USP12: variants seen among roughly 807,000 people sequenced by gnomAD.
The protein encoded by USP12 is ubiquitin specific peptidase 12.
A neutral mutation model predicts 45.5 loss-of-function variants in USP12; 19 were observed. The observed-to-expected ratio is 0.42, with a 90% CI of 0.29 to 0.61. The LOEUF is 0.61. Among genes scored for constraint, USP12 ranks in the 20% least tolerant of loss-of-function variants. USP12 has a pLI of 0.22. For missense variants in USP12, 242 were observed against 447.7 expected, an observed-to-expected ratio of 0.54 and a Z score of 4.15; for synonymous variants, 149 against 148.8, an observed-to-expected ratio of 1.00 and a Z score of -0.01.
intron 6 of USP12, among the ~76,000 whole-genome samples, chr13:27,088,646 T>C: frequency 6.6e-6 from 1 of 152,220 alleles, no homozygotes; most frequent in African/African-American, 2.4e-5. Context: ...TAGCCCCAAA[T>C]AAAAACTCAG....
In USP12 at chr13:27,129,991, T is replaced by A. The variant is rs1337860558; in HGVS notation, c.49-13395A>T. On this transcript the variant is annotated intron_variant, in intron 1 of 8. Transcript: ENST00000282344. The surrounding 1 kb of genome is among the most constrained non-coding windows in gnomAD (Gnocchi z 4.0). ...TGAAAAATACATCAGAATCAACTAT[T>A]CTGAACCTTAGAACCTAATCAGACA... is the stretch of plus-strand genomic sequence containing the variant. 2.0e-5 allele frequency among the ~76,000 whole-genome samples: 3 copies of A among 152,074 alleles called. No individual in the cohort carries two copies. Among genetic ancestry groups the A allele is most frequent in the Non-Finnish European group, 2.9e-5 (2 of 68,016 alleles).
At chr13:27,156,308 C>T (rs1441463201) in intron 1 of USP12, among the ~76,000 whole-genome samples, 1 of 151,220 alleles carries the variant, frequency 6.6e-6, no homozygotes, top group Admixed American at 6.6e-5. Context: ...ACATGTTAAA[C>T]ATCACAAAGG....
At chr13:27,138,397 A>G (rs1175970722) in intron 1 of USP12, among the ~76,000 whole-genome samples, 1 of 152,234 alleles carries the variant, frequency 6.6e-6, no homozygotes, top group East Asian at 1.9e-4. Flanking sequence ...TGGTAAATTT[A>G]TGAACAGAAG....
chr13:27,149,917 A>G (rs1297199507), intron 1 of USP12, among the ~76,000 whole-genome samples: 1 of 152,262 alleles, frequency 6.6e-6, no homozygotes, highest in Non-Finnish European at 1.5e-5. Flanking sequence ...CTGATCTGAC[A>G]AGAGGTGAAG....
chr13:27,169,908 C>G (rs1451537421), intron 1 of USP12, among the ~76,000 whole-genome samples: 1 of 152,166 alleles, frequency 6.6e-6, no homozygotes, highest in Non-Finnish European at 1.5e-5. Flanking sequence ...AGTGAATGAA[C>G]AGTCGGTAAA....
At chr13:27,106,628 G>C (rs1387257211) in intron 2 of USP12, among the ~76,000 whole-genome samples, 2 of 152,114 alleles carry the variant, frequency 1.3e-5, no homozygotes, top group Non-Finnish European at 2.9e-5. Flanking sequence ...AGTATATACA[G>C]TATTAGGTTA....
intron 1 of USP12, among the ~76,000 whole-genome samples, chr13:27,132,359 A>G (rs1320425012): frequency 6.6e-6 from 1 of 152,222 alleles, no homozygotes; most frequent in African/African-American, 2.4e-5. Flanking sequence ...TTAGTTACAC[A>G]TGTTAAAAAA....
intron 1 of USP12, among the ~76,000 whole-genome samples, chr13:27,127,538 A>C (rs1310656262): frequency 6.6e-6 from 1 of 152,222 alleles, no homozygotes; most frequent in Non-Finnish European, 1.5e-5. Context: ...CATTGCAGGA[A>C]GAAAGAGAAA....
chr13:27,091,764 A>T (rs1165890041), intron 4 of USP12, among the ~76,000 whole-genome samples: 4 of 152,202 alleles, frequency 2.6e-5, no homozygotes, highest in African/African-American at 9.7e-5. Context: ...ATGGAAAAAG[A>T]GAAGCCAAGG....
At chr13:27,113,036 C>A (rs1000820957) in intron 2 of USP12, among the ~76,000 whole-genome samples, 2 of 152,116 alleles carry the variant, frequency 1.3e-5, no homozygotes, top group Non-Finnish European at 2.9e-5. Flanking sequence ...GGATTCAACA[C>A]CAGCATGGGC....
At chr13:27,107,131 C>T (rs1285175837) in intron 2 of USP12, among the ~76,000 whole-genome samples, 1 of 152,132 alleles carries the variant, frequency 6.6e-6, no homozygotes, top group Admixed American at 6.6e-5. Context: ...TCGAGACCAA[C>T]TTGATCAACA....
intron 1 of USP12, among the ~76,000 whole-genome samples, chr13:27,131,551 C>G (rs1040978913): frequency 6.6e-6 from 1 of 152,174 alleles, no homozygotes; most frequent in African/African-American, 2.4e-5. Context: ...GTACCTTGTT[C>G]AAGTACACTT....
chr13:27,103,702 G>A (rs1874988315), intron 3 of USP12, among the ~76,000 whole-genome samples: 1 of 139,842 alleles, frequency 7.2e-6, no homozygotes, highest in South Asian at 2.3e-4. Context: ...GAGGCCAGGA[G>A]TTCAAGACTA....
intron 1 of USP12, chr13:27,117,617 G>A (rs1459265787): frequency 1.2e-5 from 3 of 254,368 alleles, no homozygotes; most frequent in Admixed American, 4.2e-5. Context: ...AAACACCAAC[G>A]TGTGTGTGTG....
chr13:27,096,347 G>C (rs1002101645), intron 3 of USP12, among the ~76,000 whole-genome samples: 5 of 152,196 alleles, frequency 3.3e-5, no homozygotes, highest in African/African-American at 1.2e-4. Flanking sequence ...CTGATGTAGA[G>C]TCAGGTTTAA....
intron 2 of USP12, 36 bp downstream of exon 2, chr13:27,116,480 G>A (rs761901746): frequency 5.7e-5 from 90 of 1,589,798 alleles, no homozygotes; most frequent in Non-Finnish European, 6.9e-5. Context: ...AACTGCTTCC[G>A]AACATGATTC....
At chr13:27,118,288 A>C (rs957744111) in intron 1 of USP12, among the ~76,000 whole-genome samples, 2 of 152,112 alleles carry the variant, frequency 1.3e-5, no homozygotes, top group Non-Finnish European at 2.9e-5. Flanking sequence ...AGTTCCACCA[A>C]AACAAGACGT....
At chr13:27,102,009 T>C (rs1565989954) in intron 3 of USP12, among the ~76,000 whole-genome samples, 1 of 75,820 alleles carries the variant, frequency 1.3e-5, no homozygotes, top group Non-Finnish European at 2.4e-5. Context: ...TTTCCCATTT[T>C]TTAATGAATG....
In USP12 at chr13:27,171,631, G is replaced by T; in HGVS notation, c.9C>A (p.Ile3=). ME[I]LMTVSKFASI... The stretch of plus-strand genomic sequence containing the variant: ...AGGCGAATTTGGAGACTGTCATTAG[G>T]ATTTCCATCCGGCCAGCGCCATCTT... Residue 3 remains isoleucine (I), a synonymous_variant, in exon 1 of 9, where the codon ATC becomes ATA. Transcript: ENST00000282344. 1 of 1,298,000 alleles carries T rather than the reference G, an allele frequency of 7.7e-7. No homozygotes were observed. 80.4% of individuals were successfully genotyped at this position (1,298,000 alleles called of 1,614,324 possible).
Sources: allele counts gnomAD v4.1 joint callset (sites outside exome capture counted in the v4.1 genomes callset), GRCh38; gene constraint gnomAD v4.1.1; non-coding constraint Gnocchi (gnomAD v3.1); transcripts MANE v1.5; gene names NCBI Gene and HGNC (gene_info 2026-07-23, HGNC 2026-07-21).